Variants in CTR9 observed in about 807,000 individuals in gnomAD.
The protein encoded by CTR9 is CTR9 component of Paf1/RNA polymerase II complex.
In CTR9, 41 loss-of-function variants were observed where a neutral mutation model predicts 152.1. The observed-to-expected ratio is 0.27, with a 90% CI of 0.21 to 0.35. The LOEUF is 0.35. CTR9 is among the 10% of genes least tolerant of loss of function. The probability of loss-of-function intolerance (pLI) is 1.00; values close to 1 mark genes in which losing one functional copy is unlikely to be tolerated. For missense variants in CTR9, 917 were observed against 1,424.4 expected (o/e 0.64, Z 5.73); for synonymous variants, 476 against 496.2 (o/e 0.96, Z 0.54).
At chr11:10,761,545 G>C (rs1182880153) in intron 6 of CTR9, among the ~76,000 whole-genome samples, 1 of 152,136 alleles carries the variant, frequency 6.6e-6, no homozygotes, top group Non-Finnish European at 1.5e-5. Flanking sequence ...AGGAGGTCAA[G>C]GCTGCAGTGA....
Position 10,772,532 on chromosome 11 carries a change from C to T in CTR9, c.2457C>T (p.Asp819=), listed in dbSNP as rs773791233. The change falls in exon 20 of 25, where the codon GAC becomes GAT. Residue 819 remains aspartate, a synonymous_variant. Transcript: ENST00000361367. ...TGAAATGTTCTAGGCAGTGTTCTGA[C>T]TTACTGAGCCAGGCCCAGTACCATG... The part of the protein sequence containing the change: ...LAATEARQCS[D]LLSQAQYHVA... 3 of 1,556,708 alleles carry T rather than the reference C, an allele frequency of 1.9e-6. No individual in the cohort carries two copies. The highest frequency in any genetic ancestry group is 1.2e-5 in the South Asian group (1 of 82,818).
chr11:10,764,228 T>C (rs1193314344), intron 10 of CTR9, 27 bp downstream of exon 10: 1 of 1,613,378 alleles, frequency 6.2e-7, no homozygotes, highest in Non-Finnish European at 8.5e-7. Flanking sequence ...TTTTAATCTC[T>C]CATATGATGT....
At chr11:10,771,933 G>A (rs1863148987) in intron 19 of CTR9, among the ~76,000 whole-genome samples, 1 of 152,112 alleles carries the variant, frequency 6.6e-6, no homozygotes, top group African/African-American at 2.4e-5. Context: ...TTTTAGCTGT[G>A]CTTTGAGAGG....
chr11:10,755,741 GCA>G lies in CTR9; in HGVS notation c.451_452del (p.Gln151ValfsTer11). ...LEGDKMDQAD[A>X]QFHFVLNQSP... Reference sequence around the variant, plus strand: ...GGGTGACAAAATGGATCAAGCTGATGCACAGTTTCATTTTGTACTCAATCAGT... The same window carrying G: ...GGGTGACAAAATGGATCAAGCTGATGCAGTTTCATTTTGTACTCAATCAGT... On this transcript the variant is annotated frameshift_variant, in exon 4 of 25. Coordinates refer to ENST00000361367, the MANE Select transcript of CTR9 (RefSeq NM_014633.5). LOFTEE classifies it high-confidence loss of function. 6.2e-7 allele frequency: 1 copy of G among 1,613,470 alleles called. No homozygotes were observed. Among genetic ancestry groups the G allele is most frequent in the Non-Finnish European group, 8.5e-7 (1 of 1,179,654 alleles).
At chr11:10,765,596 G>A (rs1863046797) in intron 12 of CTR9, among the ~76,000 whole-genome samples, 1 of 152,140 alleles carries the variant, frequency 6.6e-6, no homozygotes, top group Non-Finnish European at 1.5e-5. Flanking sequence ...CGAGTAATTG[G>A]GATTACAGGG....
At chr11:10,775,429 T>C (rs1863216931) in intron 23 of CTR9, 92 bp from the exon 24 acceptor site, 1 of 1,358,566 alleles carries the variant, frequency 7.4e-7, no homozygotes, top group African/African-American at 1.5e-5. Context: ...CATCAGTGGC[T>C]GTTTGATTGT....
At chr11:10,764,934 A>G (rs548700997) in intron 12 of CTR9, among the ~76,000 whole-genome samples, 7 of 152,124 alleles carry the variant, frequency 4.6e-5, no homozygotes, top group African/African-American at 1.2e-4. Flanking sequence ...ACTAAAACCA[A>G]TTGGACCGTA....
At chr11:10,764,518 T>G in intron 11 of CTR9, 30 bp from the exon 12 acceptor site, 2 of 1,604,696 alleles carry the variant, frequency 1.2e-6, no homozygotes, top group Non-Finnish European at 1.7e-6. Flanking sequence ...AAACTAAATC[T>G]TTTAACAGTG....
rs769322739 is a variant in CTR9, at chr11:10,763,681, C to T, written c.996C>T (p.Ala332=). The T allele has an allele frequency of 6.2e-7, 1 of 1,613,486 alleles. No homozygotes were observed. The highest frequency in any genetic ancestry group is 8.5e-7 in the Non-Finnish European group (1 of 1,179,872). ...AAGCTTTTCAGTACTATTATCAAGC[C>T]ACACAGTTTGCCTCATCCTCTTTTG... ...YDQAFQYYYQ[A]TQFASSSFVL... The change falls in exon 9 of 25, where the codon GCC becomes GCT. Residue 332 remains alanine (A), a synonymous_variant. Coordinates refer to ENST00000361367, the MANE Select transcript of CTR9 (RefSeq NM_014633.5).
chr11:10,772,280 G>A (rs958624837), intron 19 of CTR9, among the ~76,000 whole-genome samples: 2 of 152,006 alleles, frequency 1.3e-5, no homozygotes, highest in Non-Finnish European at 2.9e-5. Flanking sequence ...ACTTAAACCC[G>A]GAGGCGGAGG....
In CTR9 at chr11:10,779,171, A is replaced by G; in HGVS notation, c.*66A>G. 6.8e-7 allele frequency: 1 copy of G among 1,473,296 alleles called. No homozygotes were observed. Among genetic ancestry groups the G allele is most frequent in the Non-Finnish European group, 9.1e-7 (1 of 1,101,462 alleles). 91.3% of individuals were successfully genotyped at this position (1,473,296 alleles called of 1,614,324 possible). A position where few individuals can be genotyped will look rare whatever the true frequency, so the allele number is the denominator to read the frequency against. On this transcript the variant is annotated 3_prime_UTR_variant, in exon 25 of 25. Coordinates refer to ENST00000361367, the MANE Select transcript of CTR9 (RefSeq NM_014633.5). ...TTTTAATATATGAAAGCTGTGATAA[A>G]AATGTTTCAGATGTTTAGTCAATTG...
rs756446470 is a variant in CTR9, at chr11:10,755,099, C to A, written c.286C>A (p.Gln96Lys). Residue 96 changes from glutamine (Q) to lysine (K), a missense_variant, in exon 3 of 25, where the codon CAG (glutamine) becomes AAG (lysine). By Grantham distance (53) the Gln-to-Lys change is moderately conservative. Around this residue, in one of 9 missense-constraint regions of CTR9, gnomAD observed 67 missense variants for 106.9 expected, o/e 0.63. Transcript: ENST00000361367. Reference protein sequence around the residue: ...LDTLAAYYVQQARKEKNKDNK... With the variant: ...LDTLAAYYVQKARKEKNKDNK... ...TACATTGGCAGCGTATTATGTACAA[C>A]AGGCTCGGAAAGAAAAGAATAAGGA... 5.0e-6 allele frequency: 8 copies of A among 1,614,066 alleles called. No individual in the cohort carries two copies. The highest frequency in any genetic ancestry group is 1.7e-5 in the Admixed American group (1 of 60,026).
At chr11:10,776,971 G>GA (rs11326865) in intron 24 of CTR9, among the ~76,000 whole-genome samples, 32,494 of 63,212 alleles carry the variant, frequency 0.51, 9,844 homozygotes, top group East Asian at 0.73. Context: ...AGACTCTTGT[G>GA]AAAAAAAAAA....
intron 1 of CTR9, among the ~76,000 whole-genome samples, chr11:10,751,880 C>T (rs1327030020): frequency 6.6e-6 from 1 of 152,084 alleles, no homozygotes; most frequent in African/African-American, 2.4e-5. Context: ...AGGAGGTCGC[C>T]TCTTCTCCCT....
chr11:10,770,664 G>C, intron 18 of CTR9, 32 bp downstream of exon 18: 2 of 1,589,202 alleles, frequency 1.3e-6, no homozygotes, highest in Non-Finnish European at 1.7e-6. Context: ...CCTATGAAAT[G>C]CTTTATTTGG....
chr11:10,774,234 GA>G (rs1863194263), intron 22 of CTR9, 65 bp downstream of exon 22: 2 of 1,513,758 alleles, frequency 1.3e-6, no homozygotes, highest in Non-Finnish European at 1.8e-6. Flanking sequence ...TTTACCTTCT[GA>G]ATCTTTTGAT....
In CTR9 at chr11:10,767,932, C is replaced by A; in HGVS notation, c.1813C>A (p.Leu605Ile). The change falls in exon 14 of 25, where the codon CTA (leucine) becomes ATA (isoleucine). Residue 605 changes from leucine (L) to isoleucine (I), a missense_variant. Leu to Ile is a conservative substitution (Grantham distance 5, BLOSUM62 2). Coordinates refer to ENST00000361367, the MANE Select transcript of CTR9 (RefSeq NM_014633.5). This position sits in a 1 kb window ranked among gnomAD's most constrained non-coding sequence, Gnocchi z 4.0. ...CACACAGAGTGATACCTATTCTATGCTAGCCCTTGGCAACGTGTGGCTCCA... is the reference window on the plus strand; with the variant it reads ...CACACAGAGTGATACCTATTCTATGATAGCCCTTGGCAACGTGTGGCTCCA... ...PSTQSDTYSM[L>I]ALGNVWLQTL... 1 of 1,614,156 alleles carries A rather than the reference C, an allele frequency of 6.2e-7. No homozygotes were observed. The highest frequency in any genetic ancestry group is 2.2e-5 in the East Asian group (1 of 44,884).
chr11:10,772,430 G>T (rs1863158185), intron 19 of CTR9, 90 bp from the exon 20 acceptor site: 4 of 1,154,486 alleles, frequency 3.5e-6, no homozygotes, highest in Admixed American at 3.5e-5. Flanking sequence ...TCCTGCTTCA[G>T]ATTTTTTAAT....
At chr11:10,763,304 A>G (rs1406739533) in intron 7 of CTR9, 127 bp from the exon 8 acceptor site, 1 of 696,024 alleles carries the variant, frequency 1.4e-6, no homozygotes, top group Non-Finnish European at 2.5e-6. Context: ...TATAGCACTG[A>G]AAGGCAACTA....
Sources: gnomAD v4.1 joint callset for allele counts (sites outside exome capture counted in the v4.1 genomes callset) on GRCh38, gnomAD v4.1.1 for gene constraint, gnomAD v4.1.1 regional missense constraint, Gnocchi (gnomAD v3.1) non-coding constraint, MANE v1.5 for transcripts, NCBI Gene and HGNC (gene_info 2026-07-23, HGNC 2026-07-21) for gene names.